ADAM22: variants seen among roughly 807,000 people sequenced by gnomAD.
ADAM22 encodes ADAM metallopeptidase domain 22, also known as disintegrin and metalloproteinase domain-containing protein 22.
In ADAM22, 65 loss-of-function variants were observed where a neutral mutation model predicts 144.6. That is an observed-to-expected ratio of 0.45 (90% CI 0.37 to 0.55). The LOEUF is 0.55. ADAM22 is among the 20% of genes least tolerant of loss of function. The pLI is 0.00. For synonymous variants in ADAM22, 391 were observed against 412.6 expected (o/e 0.95, Z 0.63); for missense variants, 974 against 1,184.9 (o/e 0.82, Z 2.61).
chr7:88,030,773 C>T (rs1800051056), intron 3 of ADAM22, among the ~76,000 whole-genome samples: 1 of 152,104 alleles, frequency 6.6e-6, no homozygotes, highest in African/African-American at 2.4e-5. Context: ...TTCCTCAGGC[C>T]TCCCCCGAAG....
intron 5 of ADAM22, among the ~76,000 whole-genome samples, chr7:88,113,699 AATAAATATATAT>A (rs1826770462): frequency 1.3e-4 from 5 of 39,460 alleles, no homozygotes; most frequent in Admixed American, 6.5e-4. Context: ...TAAATAAATA[AATAAATATATAT>A]ATATATATAT....
chr7:87,995,494 A>G (rs560406267), intron 3 of ADAM22, among the ~76,000 whole-genome samples: 1 of 152,178 alleles, frequency 6.6e-6, no homozygotes, highest in East Asian at 1.9e-4. Flanking sequence ...AACTACTAAT[A>G]CCTGGGTCCC....
Position 88,012,116 on chromosome 7 carries a change from G to T in ADAM22, c.323+33704G>T, listed in dbSNP as rs191954220. Among the ~76,000 whole-genome samples, 79 of 150,512 alleles carry T rather than the reference G, an allele frequency of 5.2e-4. 1 individual carries two copies. The highest frequency in any genetic ancestry group is 1.8e-3 in the African/African-American group (74 of 41,000). On this transcript the variant is annotated intron_variant, in intron 3 of 31. Transcript: ENST00000413139. The stretch of plus-strand genomic sequence containing the variant: ...TTCAAACTCACTGATTCTTTCCTCA[G>T]TTGTGTCCAGTCTACTGATGAGCCT...
At chr7:88,162,206 C>T (rs562091443) in intron 22 of ADAM22, among the ~76,000 whole-genome samples, 5 of 151,806 alleles carry the variant, frequency 3.3e-5, no homozygotes, top group South Asian at 4.2e-4. Context: ...AGCTGGAGGC[C>T]GTCATCCTTA....
At position 88,113,662 on chromosome 7, in the gene ADAM22, G is replaced by GTATATA. The variant is rs56827611; in HGVS notation, c.474-913_474-908dup. 4.2e-3 allele frequency among the ~76,000 whole-genome samples: 446 copies of GTATATA among 106,888 alleles called. 18 individuals carry two copies. The highest frequency in any genetic ancestry group is 0.017 in the African/African-American group (428 of 25,238). The allele number at this position is 106,888 out of a possible 152,430, so 70.1% of individuals were successfully genotyped here. Reference sequence around the variant, plus strand: ...GTCATATGTATGTGTATGTGTGTGTGTATATATATATATAATATATATATT... The same window carrying GTATATA: ...GTCATATGTATGTGTATGTGTGTGTGTATATATATATATATATATAATATATATATT... On this transcript the variant is annotated intron_variant, in intron 5 of 31. Transcript: ENST00000413139.
At chr7:87,991,996 T>C (rs1790014761) in intron 3 of ADAM22, among the ~76,000 whole-genome samples, 1 of 152,204 alleles carries the variant, frequency 6.6e-6, no homozygotes, top group Non-Finnish European at 1.5e-5. Context: ...TGAACCTTAA[T>C]CAGATTCAGC....
At chr7:88,090,522 G>C (rs986827112) in intron 4 of ADAM22, among the ~76,000 whole-genome samples, 1 of 152,114 alleles carries the variant, frequency 6.6e-6, no homozygotes, top group African/African-American at 2.4e-5. Context: ...AAACTAAAAT[G>C]ACTTTAAAAA....
rs1850753717 is a variant in ADAM22 at position 88,197,040 on chromosome 7, A to G, written c.*549A>G. On this transcript the variant is annotated 3_prime_UTR_variant, in exon 32 of 32. Transcript: ENST00000413139. ...GCCAATATCCCATAGGCTAACTTTA[A>G]ACATGTATTTTTATTTTTGTTTTGT... 6.6e-6 allele frequency: 1 copy of G among 152,474 alleles called. No individual in the cohort carries two copies. Among genetic ancestry groups the G allele is most frequent in the Admixed American group, 6.5e-5 (1 of 15,318 alleles). The allele number at this position is 152,474 out of a possible 1,614,324, so 9.4% of individuals were successfully genotyped here. A position where few individuals can be genotyped will look rare whatever the true frequency, so the allele number is the denominator to read the frequency against.
chr7:87,999,358 C>T (rs1403086898), intron 3 of ADAM22, among the ~76,000 whole-genome samples: 1 of 152,072 alleles, frequency 6.6e-6, no homozygotes, highest in Non-Finnish European at 1.5e-5. Flanking sequence ...TCATTTAATC[C>T]TTATGATCTA....
At chr7:88,014,932 G>T (rs971721920) in intron 3 of ADAM22, among the ~76,000 whole-genome samples, 43 of 151,946 alleles carry the variant, frequency 2.8e-4, no homozygotes, top group African/African-American at 9.9e-4. Flanking sequence ...ATCTGGTGGA[G>T]GAAGCCTGGG....
intron 8 of ADAM22, 84 bp from the exon 9 acceptor site, chr7:88,128,518 T>C (rs1168574381): frequency 8.1e-6 from 9 of 1,106,416 alleles, no homozygotes; most frequent in Non-Finnish European, 1.2e-5. Flanking sequence ...AATTTTGTTT[T>C]GTCAGTTTCT....
At chr7:87,948,252 T>C (rs934604769) in intron 2 of ADAM22, among the ~76,000 whole-genome samples, 1 of 152,248 alleles carries the variant, frequency 6.6e-6, no homozygotes, top group Non-Finnish European at 1.5e-5. Context: ...GTTATTTACA[T>C]TCAGTGTTGG....
chr7:87,942,069 C>A (rs1842581904), intron 2 of ADAM22, among the ~76,000 whole-genome samples: 1 of 151,872 alleles, frequency 6.6e-6, no homozygotes, highest in Admixed American at 6.6e-5. Context: ...CCATATTTAT[C>A]ATTAAGTAGC....
At chr7:88,027,048 G>A (rs1799172136) in intron 3 of ADAM22, among the ~76,000 whole-genome samples, 1 of 152,212 alleles carries the variant, frequency 6.6e-6, no homozygotes, top group African/African-American at 2.4e-5. Context: ...ATTTGTGTAT[G>A]TTGGGCCATC....
chr7:88,134,460 G>T, intron 13 of ADAM22, 41 bp downstream of exon 13: 1 of 1,431,478 alleles, frequency 7.0e-7, no homozygotes, highest in Non-Finnish European at 9.6e-7. Flanking sequence ...ATTTAAAATA[G>T]ACTATTTGTG....
chr7:88,092,825 A>G (rs549582058), intron 4 of ADAM22, among the ~76,000 whole-genome samples: 2 of 152,324 alleles, frequency 1.3e-5, no homozygotes, highest in South Asian at 2.1e-4. Context: ...TATACAGGTC[A>G]GGTGTCTTAG....
intron 2 of ADAM22, among the ~76,000 whole-genome samples, chr7:87,971,727 A>T (rs1850488403): frequency 6.6e-6 from 1 of 152,178 alleles, no homozygotes; most frequent in South Asian, 2.1e-4. Context: ...TATTATACTG[A>T]TTCTCTCTTC....
At chr7:87,990,973 CT>C (rs1789696284) in intron 3 of ADAM22, among the ~76,000 whole-genome samples, 2 of 152,090 alleles carry the variant, frequency 1.3e-5, no homozygotes, top group Admixed American at 1.3e-4. Flanking sequence ...CTTTCTCCCT[CT>C]TTTAAAATAA....
intron 29 of ADAM22, chr7:88,184,258 C>A (rs758932677): frequency 3.8e-4 from 114 of 303,486 alleles, no homozygotes; most frequent in Non-Finnish European, 6.3e-4. Flanking sequence ...CATTTTTTGG[C>A]TTAGACTTTG....
Sources: allele counts gnomAD v4.1 joint callset (sites outside exome capture counted in the v4.1 genomes callset), GRCh38; gene constraint gnomAD v4.1.1; transcripts MANE v1.5; gene names NCBI Gene and HGNC (gene_info 2026-07-23, HGNC 2026-07-21).